Variants in ABCA1 observed in about 807,000 individuals in gnomAD.
ABCA1 encodes the protein ATP binding cassette subfamily A member 1.
A neutral mutation model predicts 262.5 loss-of-function variants in ABCA1; 133 were observed. The ratio of observed to expected loss-of-function variants is 0.51; its 90% confidence interval spans 0.44 to 0.59. The LOEUF (loss-of-function observed/expected upper bound fraction) is 0.59. Ranked by LOEUF, ABCA1 falls within the 20% of genes least tolerant of loss-of-function variation. ABCA1 has a pLI of 0.00. For synonymous variants in ABCA1, 1,022 were observed against 1,043.5 expected, an observed-to-expected ratio of 0.98 and a Z score of 0.40; for missense variants, 2,452 against 2,777.5, an observed-to-expected ratio of 0.88 and a Z score of 2.63.
chr9:104,862,611 G>T (rs1405075269), intron 5 of ABCA1, among the ~76,000 whole-genome samples: 1 of 141,534 alleles, frequency 7.1e-6, no homozygotes, highest in Non-Finnish European at 1.5e-5. Flanking sequence ...ATCACCTGGA[G>T]AGCTTGTTAA....
At chr9:104,793,067 A>G in intron 41 of ABCA1, 104 bp downstream of exon 41, 1 of 1,589,502 alleles carries the variant, frequency 6.3e-7, no homozygotes, top group Non-Finnish European at 8.6e-7. Context: ...TTTATCACAT[A>G]TTTTGAGTTC....
chr9:104,812,332 G>A (rs140269126), intron 28 of ABCA1, among the ~76,000 whole-genome samples: 6 of 152,178 alleles, frequency 3.9e-5, no homozygotes, highest in South Asian at 2.1e-4. Flanking sequence ...TTTTATTTTC[G>A]TAACAACCCT....
At chr9:104,834,540 C>T (rs763240755) in intron 11 of ABCA1, among the ~76,000 whole-genome samples, 5 of 148,670 alleles carry the variant, frequency 3.4e-5, no homozygotes, top group African/African-American at 7.4e-5. Flanking sequence ...AGGGTGAAGT[C>T]GGCCCTGCCC....
rs1412593015 is a variant in ABCA1, at chr9:104,809,570, G to A, written c.4176-6C>T. ...TGTCCTCAGGAGCATCATTGCTGTG[G>A]GTACATGAGAGGCAGCCAGCTTAGT... On this transcript the variant is annotated splice_region_variant and splice_polypyrimidine_tract_variant and intron_variant, in intron 29 of 49. Transcript: ENST00000374736. 6.2e-7 allele frequency: 1 copy of A among 1,613,262 alleles called. No individual in the cohort carries two copies. The highest frequency in any genetic ancestry group is 1.1e-5 in the South Asian group (1 of 91,048).
chr9:104,851,873 T>C (rs1835411777), intron 7 of ABCA1, among the ~76,000 whole-genome samples: 1 of 152,226 alleles, frequency 6.6e-6, no homozygotes, highest in Non-Finnish European at 1.5e-5. Flanking sequence ...TGGAAGATAA[T>C]ATTACAATGC....
At position 104,822,629 on chromosome 9, in the gene ABCA1, C is replaced by T. The variant is rs762040428; in HGVS notation, c.2695G>A (p.Val899Met). Residue 899 changes from valine to methionine, a missense_variant, in exon 19 of 50, where the codon GTG becomes ATG. Transcript: ENST00000374736. ...ACTTTTACCAGGTTCTGAATGGACA[C>T]GCCCAGCTTCAAGTGGGTGGGTTCC... is the stretch of plus-strand genomic sequence containing the variant. ...EEEPTHLKLG[V>M]SIQNLVKVYR... The T allele has an allele frequency of 5.0e-6, 8 of 1,614,002 alleles. No individual in the cohort carries two copies. Among genetic ancestry groups the T allele is most frequent in the East Asian group, 2.2e-5 (1 of 44,890 alleles).
chr9:104,862,593 G>A (rs1426216004), intron 5 of ABCA1, among the ~76,000 whole-genome samples: 2 of 148,164 alleles, frequency 1.3e-5, no homozygotes, highest in Non-Finnish European at 3.0e-5. Context: ...ACTTAAGTAT[G>A]CATCAGAATC....
chr9:104,910,270 T>G (rs1235002724), intron 1 of ABCA1, among the ~76,000 whole-genome samples: 1 of 152,200 alleles, frequency 6.6e-6, no homozygotes, highest in Non-Finnish European at 1.5e-5. Flanking sequence ...TAAAATCTCT[T>G]GGAATGTTGA....
At chr9:104,797,610 C>A (rs1243665515) in intron 37 of ABCA1, among the ~76,000 whole-genome samples, 2 of 152,162 alleles carry the variant, frequency 1.3e-5, no homozygotes. Context: ...CATACAAGGA[C>A]AACCGGATCA....
At chr9:104,823,876 G>A (rs1337822003) in intron 18 of ABCA1, among the ~76,000 whole-genome samples, 1 of 152,146 alleles carries the variant, frequency 6.6e-6, no homozygotes, top group Non-Finnish European at 1.5e-5. Flanking sequence ...CAGGGGATGG[G>A]CACAGAAGAG....
chr9:104,803,346 T>C, intron 32 of ABCA1, 30 bp from the exon 33 acceptor site: 1 of 1,611,770 alleles, frequency 6.2e-7, no homozygotes, highest in East Asian at 2.2e-5. Context: ...AAAAATCAGT[T>C]CAAAGAAAGC....
intron 5 of ABCA1, among the ~76,000 whole-genome samples, chr9:104,874,811 C>T (rs1460515831): frequency 9.2e-5 from 13 of 141,460 alleles, no homozygotes; most frequent in African/African-American, 4.0e-4. Flanking sequence ...GCCGCCCCGT[C>T]CGGGAGGGAG....
chr9:104,810,004 C>T (rs1300955614), intron 29 of ABCA1, among the ~76,000 whole-genome samples: 2 of 151,780 alleles, frequency 1.3e-5, no homozygotes, highest in East Asian at 3.9e-4. Flanking sequence ...AAATAACAGG[C>T]ACAGGTCACA....
At chr9:104,870,523 C>T (rs962010720) in intron 5 of ABCA1, among the ~76,000 whole-genome samples, 7 of 152,204 alleles carry the variant, frequency 4.6e-5, no homozygotes, top group Non-Finnish European at 8.8e-5. Context: ...ATGATTTGAA[C>T]GTGTCCCCCC....
intron 7 of ABCA1, 87 bp downstream of exon 7, chr9:104,858,435 C>A (rs577718398): frequency 7.1e-7 from 1 of 1,415,264 alleles, no homozygotes; most frequent in Non-Finnish European, 1.0e-6. Flanking sequence ...TACTTTTCTA[C>A]AAAACAAAGT....
chr9:104,846,140 A>T (rs937706145), intron 7 of ABCA1, among the ~76,000 whole-genome samples: 1 of 152,218 alleles, frequency 6.6e-6, no homozygotes, highest in East Asian at 1.9e-4. Context: ...GTTATATGTC[A>T]CCTAACTGCA....
intron 5 of ABCA1, among the ~76,000 whole-genome samples, chr9:104,862,663 C>A (rs1478835259): frequency 3.0e-4 from 2 of 6,660 alleles, no homozygotes; most frequent in South Asian, 0.013. Flanking sequence ...CCGGGCCGGG[C>A]CGGGCCGGGC....
chr9:104,810,831 A>C lies in ABCA1; in HGVS notation c.4144T>G (p.Trp1382Gly). The C allele has an allele frequency of 1.2e-6, 2 of 1,614,266 alleles. No individual in the cohort carries two copies. Among genetic ancestry groups the C allele is most frequent in the Non-Finnish European group, 1.7e-6 (2 of 1,180,058 alleles). Residue 1382 changes from tryptophan to glycine, a missense_variant, in exon 29 of 50, where the codon TGG (tryptophan) becomes GGG (glycine). This residue lies in a region of ABCA1 where 665 missense variants were observed against 727.3 expected (regional missense o/e 0.91). Coordinates refer to ENST00000374736, the MANE Select transcript of ABCA1 (RefSeq NM_005502.4). ...AATGTGTACTGTTCGTTGTACATCC[A>C]GGGCTGAAGTTCCAGGCTGGGGTAC... ...GKYPSLELQP[W>G]MYNEQYTFVS...
intron 7 of ABCA1, chr9:104,855,320 T>A (rs1265486403): frequency 1.9e-5 from 4 of 209,234 alleles, no homozygotes; most frequent in African/African-American, 7.1e-5. Context: ...CCTCAGCCTC[T>A]TCAGTAGCTG....
Sources: allele counts gnomAD v4.1 joint callset (sites outside exome capture counted in the v4.1 genomes callset), GRCh38; gene constraint gnomAD v4.1.1; regional missense constraint gnomAD v4.1.1; transcripts MANE v1.5; gene names NCBI Gene and HGNC (gene_info 2026-07-23, HGNC 2026-07-21).